Variants in AGBL3 observed in about 807,000 individuals in gnomAD.
The protein encoded by AGBL3 is cytosolic carboxypeptidase 3.
Under a neutral mutation model 94.5 loss-of-function variants are expected in AGBL3, and 68 were observed. The ratio of observed to expected loss-of-function variants is 0.72; its 90% confidence interval spans 0.59 to 0.88. The LOEUF (loss-of-function observed/expected upper bound fraction) is 0.88, where lower values mean the gene tolerates loss of function less well. AGBL3 is among the 40% of genes least tolerant of loss of function. AGBL3 has a pLI of 0.00. For missense variants in AGBL3, 934 were observed against 1,103.8 expected, an observed-to-expected ratio of 0.85 and a Z score of 2.18; for synonymous variants, 354 against 370.7, an observed-to-expected ratio of 0.95 and a Z score of 0.52.
chr7:135,078,205 G>A (rs1820630815), intron 13 of AGBL3, among the ~76,000 whole-genome samples: 2 of 152,208 alleles, frequency 1.3e-5, no homozygotes, highest in South Asian at 4.1e-4. Flanking sequence ...AGAGCTGAAT[G>A]TGGTCAGGGA....
chr7:135,015,858 CAAAAAAAAGAAAA>C (rs1331753076), intron 4 of AGBL3, among the ~76,000 whole-genome samples: 3 of 77,134 alleles, frequency 3.9e-5, no homozygotes, highest in Non-Finnish European at 7.4e-5. Context: ...ACTAAAAATA[CAAAAAAAAGAAAA>C]AAAAAAAAAA....
At chr7:135,062,957 TTAG>T (rs1818970790) in intron 12 of AGBL3, among the ~76,000 whole-genome samples, 1 of 152,118 alleles carries the variant, frequency 6.6e-6, no homozygotes, top group Admixed American at 6.6e-5. Context: ...CTTTAAATGT[TTAG>T]TAGAATTCAG....
chr7:135,030,784 A>G (rs2116407793), intron 5 of AGBL3, among the ~76,000 whole-genome samples: 1 of 151,970 alleles, frequency 6.6e-6, no homozygotes, highest in African/African-American at 2.4e-5. Context: ...AGTTTGGACA[A>G]TTTTTATTTG....
intron 5 of AGBL3, among the ~76,000 whole-genome samples, chr7:135,025,725 C>G (rs1207661504): frequency 2.6e-5 from 4 of 151,268 alleles, no homozygotes; most frequent in African/African-American, 9.7e-5. Flanking sequence ...TCCACAGGCT[C>G]AAAGTAAAGG....
At chr7:135,039,572 T>TA (rs1816645328) in intron 8 of AGBL3, among the ~76,000 whole-genome samples, 1 of 151,840 alleles carries the variant, frequency 6.6e-6, no homozygotes, top group Admixed American at 6.6e-5. Context: ...TCATCTCTAC[T>TA]AAAAATACAA....
At chr7:135,128,687 C>A in intron 16 of AGBL3, 5 of 1,300,730 alleles carry the variant, frequency 3.8e-6, no homozygotes, top group Non-Finnish European at 5.5e-6. Flanking sequence ...TGAATATTGT[C>A]TCTCCTTTTG....
At position 135,115,435 on chromosome 7, in the gene AGBL3, G is replaced by C. The variant is rs1282387237; in HGVS notation, c.2166G>C (p.Lys722Asn). Residue 722 changes from lysine to asparagine, a missense_variant, in exon 16 of 17, where the codon AAG (lysine) becomes AAC (asparagine). Lys to Asn is a moderately conservative substitution (Grantham distance 94). Around this residue, in one of 3 missense-constraint regions of AGBL3, gnomAD observed 441 missense variants for 518.2 expected, o/e 0.85. Coordinates refer to ENST00000436302, the MANE Select transcript of AGBL3 (RefSeq NM_178563.4). ...AAGAATGCATATCTTTCCAAAGCAA[G>C]AAGACTGGCATAAATTGGACAGATG... ...KIKECISFQS[K>N]KTGINWTDDE... 1.3e-6 allele frequency: 2 copies of C among 1,551,252 alleles called. No individual in the cohort carries two copies. The highest frequency in any genetic ancestry group is 4.9e-5 in the East Asian group (2 of 40,896).
At chr7:135,033,818 A>C (rs1181015583) in intron 6 of AGBL3, among the ~76,000 whole-genome samples, 3 of 152,194 alleles carry the variant, frequency 2.0e-5, no homozygotes, top group East Asian at 1.9e-4. Context: ...ACTTTGCTTC[A>C]GTTTTGGTAA....
chr7:135,047,911 C>T (rs1169621930), intron 11 of AGBL3, among the ~76,000 whole-genome samples: 1 of 151,822 alleles, frequency 6.6e-6, no homozygotes, highest in African/African-American at 2.4e-5. Context: ...GTTGCCTATG[C>T]TTTTGGTGTC....
At chr7:134,988,313 T>C (rs1374937462) in intron 2 of AGBL3, 1 of 252,532 alleles carries the variant, frequency 4.0e-6, no homozygotes, top group East Asian at 1.2e-4. Flanking sequence ...TATTTTCTTC[T>C]ATGTGCTGAT....
At position 135,135,166 on chromosome 7, in the gene AGBL3, C is replaced by T; in HGVS notation, c.2668C>T (p.His890Tyr). Reference sequence around the variant, plus strand: ...AGAAACTAACCAGCAAAGCTCTAAGCATACAGCCCTCCATCTAACTAAAAA... The same window carrying T: ...AGAAACTAACCAGCAAAGCTCTAAGTATACAGCCCTCCATCTAACTAAAAA... ...AEETNQQSSKHTALHLTKNKD... is the reference protein window; with the variant it reads ...AEETNQQSSKYTALHLTKNKD... Residue 890 changes from histidine to tyrosine, a missense_variant, in exon 17 of 17, where the codon CAT becomes TAT. His to Tyr is a moderately conservative substitution (Grantham distance 83). Transcript: ENST00000436302. 6.4e-7 allele frequency: 1 copy of T among 1,550,958 alleles called. No homozygotes were observed. Among genetic ancestry groups the T allele is most frequent in the Non-Finnish European group, 8.7e-7 (1 of 1,146,560 alleles).
At position 135,042,641 on chromosome 7, in the gene AGBL3, G is replaced by A. The variant is rs113579493; in HGVS notation, c.1501-1384G>A. Among the ~76,000 whole-genome samples the A allele has an allele frequency of 2.1e-3, 317 of 152,238 alleles. 1 individual carries two copies. Among genetic ancestry groups the A allele is most frequent in the African/African-American group, 7.2e-3 (301 of 41,544 alleles). ...TTCATAAAATGAGGCTGGGCACAGT[G>A]GCCCATACCTGTAATCCCAGCACTT... On this transcript the variant is annotated intron_variant, in intron 8 of 16. Coordinates refer to ENST00000436302, the MANE Select transcript of AGBL3 (RefSeq NM_178563.4).
At chr7:135,038,258 T>C (rs1267002417) in intron 8 of AGBL3, among the ~76,000 whole-genome samples, 2 of 113,804 alleles carry the variant, frequency 1.8e-5, no homozygotes, top group African/African-American at 3.0e-5. Flanking sequence ...TTGGGGATAA[T>C]TGGGGCCCAA....
chr7:135,134,236 T>C (rs1034734712), intron 16 of AGBL3, among the ~76,000 whole-genome samples: 7 of 152,058 alleles, frequency 4.6e-5, no homozygotes, highest in Non-Finnish European at 8.8e-5. Context: ...TCTCTCTGTA[T>C]TACTTCTCTC....
intron 15 of AGBL3, among the ~76,000 whole-genome samples, chr7:135,085,977 A>T (rs983322706): frequency 1.3e-5 from 2 of 152,070 alleles, no homozygotes; most frequent in Admixed American, 1.3e-4. Context: ...ATCCATGAAC[A>T]TGAGATGTCT....
chr7:134,987,544 T>C (rs1184877313), intron 1 of AGBL3, among the ~76,000 whole-genome samples: 1 of 152,232 alleles, frequency 6.6e-6, no homozygotes, highest in Non-Finnish European at 1.5e-5. Context: ...AATTTTTAAA[T>C]TCATTATCTT....
intron 7 of AGBL3, among the ~76,000 whole-genome samples, chr7:135,035,678 T>C (rs949651866): frequency 6.6e-6 from 1 of 152,122 alleles, no homozygotes; most frequent in Non-Finnish European, 1.5e-5. Context: ...TCTAAAGTTA[T>C]TCAAATTAAT....
intron 2 of AGBL3, chr7:134,988,314 A>G (rs2732907): frequency 0.043 from 10,930 of 252,174 alleles, 1,187 homozygotes; most frequent in African/African-American, 0.23. Context: ...ATTTTCTTCT[A>G]TGTGCTGATT....
chr7:135,058,695 A>G (rs1344484373), intron 11 of AGBL3, among the ~76,000 whole-genome samples: 1 of 152,022 alleles, frequency 6.6e-6, no homozygotes, highest in African/African-American at 2.4e-5. Flanking sequence ...CTTTCCACAC[A>G]TTCAACAAAA....
Sources: allele counts gnomAD v4.1 joint callset (sites outside exome capture counted in the v4.1 genomes callset), GRCh38; gene constraint gnomAD v4.1.1; regional missense constraint gnomAD v4.1.1; transcripts MANE v1.5; gene names NCBI Gene and HGNC (gene_info 2026-07-23, HGNC 2026-07-21).